The following CTNND2 variants were observed in gnomAD, a reference collection of about 807,000 sequenced individuals.
CTNND2 encodes the protein catenin delta-2.
In CTNND2, 22 loss-of-function variants were observed where a neutral mutation model predicts 144.4. That is an observed-to-expected ratio of 0.15 (90% CI 0.11 to 0.22). CTNND2 has a LOEUF of 0.22. Ranked by LOEUF, CTNND2 falls within the 10% of genes least tolerant of loss-of-function variation. CTNND2 has a pLI of 1.00. For synonymous variants in CTNND2, 751 were observed against 695.6 expected (o/e 1.08, Z -1.25); for missense variants, 1,353 against 1,618.8 (o/e 0.84, Z 2.82).
At chr5:11,861,813 T>C (rs1187733317) in intron 1 of CTNND2, among the ~76,000 whole-genome samples, 4 of 152,212 alleles carry the variant, frequency 2.6e-5, no homozygotes, top group Admixed American at 2.6e-4. Context: ...TGTGCCTGTG[T>C]GCCAGCCATG....
At chr5:11,117,031 G>A (rs1753615288) in intron 13 of CTNND2, among the ~76,000 whole-genome samples, 1 of 151,656 alleles carries the variant, frequency 6.6e-6, no homozygotes, top group Non-Finnish European at 1.5e-5. Flanking sequence ...TGCACTCCTG[G>A]GTGACAGAGC....
chr5:11,597,183 TAAGA>T (rs1779551611), intron 2 of CTNND2, among the ~76,000 whole-genome samples: 1 of 152,228 alleles, frequency 6.6e-6, no homozygotes, highest in Non-Finnish European at 1.5e-5. Context: ...GACTTTTCTG[TAAGA>T]CTTGTTGAAT....
intron 8 of CTNND2, among the ~76,000 whole-genome samples, chr5:11,363,417 C>T (rs1251092409): frequency 1.3e-5 from 2 of 151,886 alleles, no homozygotes; most frequent in Non-Finnish European, 2.9e-5. Context: ...ATAAGATGTG[C>T]ATAAAAATAA....
chr5:11,208,812 G>A (rs1006969513), intron 10 of CTNND2, among the ~76,000 whole-genome samples: 1 of 152,086 alleles, frequency 6.6e-6, no homozygotes. Context: ...CTTAAAGTCG[G>A]GTGGAAAGAA....
intron 1 of CTNND2, among the ~76,000 whole-genome samples, chr5:11,899,602 C>G (rs1272925385): frequency 6.6e-6 from 1 of 152,050 alleles, no homozygotes; most frequent in Non-Finnish European, 1.5e-5. Flanking sequence ...GGATGGTAAC[C>G]TAGATAACCT....
chr5:11,235,612 G>A (rs1245237414), intron 10 of CTNND2, among the ~76,000 whole-genome samples: 1 of 152,122 alleles, frequency 6.6e-6, no homozygotes, highest in Non-Finnish European at 1.5e-5. Context: ...CTCTACAAGG[G>A]ATACCCACAG....
At chr5:11,066,976 G>GGA (rs1253444119) in intron 16 of CTNND2, among the ~76,000 whole-genome samples, 1 of 152,198 alleles carries the variant, frequency 6.6e-6, no homozygotes, top group Non-Finnish European at 1.5e-5. Flanking sequence ...GCTCCTCCCA[G>GGA]TGCCTGATGC....
intron 2 of CTNND2, among the ~76,000 whole-genome samples, chr5:11,727,972 T>C (rs994490029): frequency 4.6e-5 from 7 of 152,218 alleles, no homozygotes; most frequent in African/African-American, 1.7e-4. Context: ...CCAAATAGTA[T>C]TCTTGTTATA....
rs1016192481 is a variant in CTNND2 at position 11,251,866 on chromosome 5, C to T, written c.1629-15043G>A. Among the ~76,000 whole-genome samples the T allele has an allele frequency of 2.1e-4, 32 of 152,260 alleles. No homozygotes were observed. The South Asian group carries it at 2.5e-3, about 12-fold the overall frequency. ...CTTACACTCAATTTCTAAAAATTTG[C>T]TTATGTAAATGTTTTGAAATGTATC... On this transcript the variant is annotated intron_variant, in intron 9 of 21. Transcript: ENST00000304623.
intron 1 of CTNND2, among the ~76,000 whole-genome samples, chr5:11,863,114 G>C (rs562711458): frequency 6.6e-6 from 1 of 152,084 alleles, no homozygotes; most frequent in African/African-American, 2.4e-5. Context: ...AAATGTCCAC[G>C]TGTTTAAATT....
intron 2 of CTNND2, among the ~76,000 whole-genome samples, chr5:11,708,159 A>G (rs964261691): frequency 1.3e-5 from 2 of 151,506 alleles, no homozygotes; most frequent in Non-Finnish European, 2.9e-5. Flanking sequence ...CAACCCTCCC[A>G]CTTCAGCCTC....
chr5:11,070,873 T>C (rs1748183455), intron 16 of CTNND2, among the ~76,000 whole-genome samples: 1 of 152,030 alleles, frequency 6.6e-6, no homozygotes, highest in Non-Finnish European at 1.5e-5. Flanking sequence ...ACAAGTTTAT[T>C]GCAGGAAGAA....
At chr5:11,534,664 G>C (rs1774053979) in intron 3 of CTNND2, among the ~76,000 whole-genome samples, 1 of 152,062 alleles carries the variant, frequency 6.6e-6, no homozygotes, top group African/African-American at 2.4e-5. Context: ...CTGAGACCTG[G>C]TGACATCTAT....
chr5:11,644,303 T>C (rs1387418530), intron 2 of CTNND2, among the ~76,000 whole-genome samples: 1 of 152,226 alleles, frequency 6.6e-6, no homozygotes, highest in East Asian at 1.9e-4. Flanking sequence ...GTAGCTTATT[T>C]TCTTGCTTTA....
intron 9 of CTNND2, among the ~76,000 whole-genome samples, chr5:11,261,325 T>C (rs1744837051): frequency 6.6e-6 from 1 of 152,186 alleles, no homozygotes; most frequent in Non-Finnish European, 1.5e-5. Context: ...AGCCTCTTTA[T>C]ATTCTGGGAG....
At chr5:11,305,497 GGCTC>G (rs1750097287) in intron 9 of CTNND2, among the ~76,000 whole-genome samples, 1 of 152,188 alleles carries the variant, frequency 6.6e-6, no homozygotes, top group African/African-American at 2.4e-5. Context: ...TGATGTAGGT[GGCTC>G]TTGTGTCATT....
intron 1 of CTNND2, among the ~76,000 whole-genome samples, chr5:11,736,313 T>G (rs1787680269): frequency 6.6e-6 from 1 of 152,198 alleles, no homozygotes; most frequent in African/African-American, 2.4e-5. Context: ...GGGGAATAAT[T>G]AGGCCTGTTT....
intron 2 of CTNND2, among the ~76,000 whole-genome samples, chr5:11,711,389 A>G (rs557059143): frequency 3.9e-5 from 6 of 152,242 alleles, no homozygotes; most frequent in African/African-American, 1.4e-4. Context: ...TTTTTTATAT[A>G]TATTTAATCG....
At chr5:11,618,677 G>A (rs1040916796) in intron 2 of CTNND2, among the ~76,000 whole-genome samples, 5 of 152,214 alleles carry the variant, frequency 3.3e-5, no homozygotes, top group Admixed American at 1.3e-4. Flanking sequence ...AATTACCACT[G>A]CATGGTACAG....
Sources: gnomAD v4.1 joint callset for allele counts (sites outside exome capture counted in the v4.1 genomes callset) on GRCh38, gnomAD v4.1.1 for gene constraint, MANE v1.5 for transcripts, NCBI Gene and HGNC (gene_info 2026-07-23, HGNC 2026-07-21) for gene names.